The following GTF2A1L variants were observed in gnomAD, a reference collection of about 807,000 sequenced individuals.
GTF2A1L encodes general transcription factor IIA subunit 1 like.
A neutral mutation model predicts 49.7 loss-of-function variants in GTF2A1L; 48 were observed. That is an observed-to-expected ratio of 0.97 (90% CI 0.77 to 1.23). GTF2A1L has a LOEUF of 1.23. Among genes scored for constraint, GTF2A1L ranks in the 50% most tolerant of loss-of-function variants. The probability of loss-of-function intolerance (pLI) is 0.00; values close to 1 mark genes in which losing one functional copy is unlikely to be tolerated. For missense variants in GTF2A1L, 736 were observed against 564.8 expected (o/e 1.30, Z -3.07); for synonymous variants, 246 against 193.5 (o/e 1.27, Z -2.25).
chr2:48,675,525 G>T (rs147360213), intron 8 of GTF2A1L, among the ~76,000 whole-genome samples: 1 of 152,042 alleles, frequency 6.6e-6, no homozygotes, highest in Non-Finnish European at 1.5e-5. Flanking sequence ...CATACTGGGT[G>T]AGAATTAGTT....
intron 6 of GTF2A1L, among the ~76,000 whole-genome samples, chr2:48,662,716 T>C (rs1206172487): frequency 6.6e-6 from 1 of 151,770 alleles, no homozygotes; most frequent in East Asian, 1.9e-4. Context: ...GTCTTCAAAC[T>C]TCGGCTGAGG....
chr2:48,663,243 A>G (rs767799151), intron 6 of GTF2A1L, among the ~76,000 whole-genome samples: 16 of 152,020 alleles, frequency 1.1e-4, no homozygotes, highest in Non-Finnish European at 2.2e-4. Flanking sequence ...AGACCAGCCT[A>G]GGCAACATTG....
chr2:48,670,270 T>G (rs766929989), intron 7 of GTF2A1L, among the ~76,000 whole-genome samples: 1 of 152,008 alleles, frequency 6.6e-6, no homozygotes, highest in Non-Finnish European at 1.5e-5. Flanking sequence ...GGCACATGCC[T>G]GTAAACCCAG....
chr2:48,661,474 G>A (rs1332554991), intron 6 of GTF2A1L, among the ~76,000 whole-genome samples: 5 of 151,438 alleles, frequency 3.3e-5, no homozygotes, highest in Non-Finnish European at 7.4e-5. Context: ...GGCTGATCTC[G>A]AACTCCTGAC....
At chr2:48,629,163 C>T (rs1165327368) in intron 3 of GTF2A1L, among the ~76,000 whole-genome samples, 2 of 142,466 alleles carry the variant, frequency 1.4e-5, no homozygotes, top group Non-Finnish European at 3.2e-5. Flanking sequence ...ATTGCTTGAA[C>T]CTAGGAGGCA....
At chr2:48,632,037 C>A (rs971285342) in intron 3 of GTF2A1L, among the ~76,000 whole-genome samples, 16 of 152,040 alleles carry the variant, frequency 1.1e-4, no homozygotes, top group African/African-American at 3.9e-4. Flanking sequence ...TGTTATTAGT[C>A]TTTTTATTCT....
intron 3 of GTF2A1L, among the ~76,000 whole-genome samples, chr2:48,624,819 C>G (rs544296196): frequency 4.2e-5 from 6 of 142,288 alleles, no homozygotes; most frequent in Middle Eastern, 7.1e-3. Flanking sequence ...TTGTGTCTGG[C>G]TTATTTCACT....
At chr2:48,625,554 C>A (rs1490177712) in intron 3 of GTF2A1L, among the ~76,000 whole-genome samples, 5 of 143,082 alleles carry the variant, frequency 3.5e-5, no homozygotes, top group Admixed American at 1.4e-4. Context: ...TGTGCAGGAG[C>A]TTTTTAATTT....
At chr2:48,627,722 TC>T (rs1676361519) in intron 3 of GTF2A1L, among the ~76,000 whole-genome samples, 1 of 144,038 alleles carries the variant, frequency 6.9e-6, no homozygotes, top group African/African-American at 2.5e-5. Context: ...TGTTTTTTTT[TC>T]TTTTCAACTT....
intron 3 of GTF2A1L, among the ~76,000 whole-genome samples, chr2:48,623,313 A>G (rs1263328852): frequency 2.0e-5 from 3 of 152,246 alleles, no homozygotes; most frequent in Non-Finnish European, 2.9e-5. Context: ...CTACAATTCA[A>G]TAAGTCATTT....
chr2:48,646,654 C>A lies in GTF2A1L; in HGVS notation c.590C>A (p.Pro197His), dbSNP rs1323695175. The A allele has an allele frequency of 6.2e-7, 1 of 1,614,054 alleles. No individual in the cohort carries two copies. The highest frequency in any genetic ancestry group is 8.5e-7 in the Non-Finnish European group (1 of 1,179,994). Residue 197 changes from proline to histidine, a missense_variant, in exon 6 of 9, where the codon CCC (proline) becomes CAC (histidine). By Grantham distance (77) the Pro-to-His change is moderately conservative (BLOSUM62 -2). Transcript: ENST00000403751. ...SQRIETVLQQ[P>H]AILPSGPVDR... is the part of the protein sequence containing the mutation. Reference sequence around the variant, plus strand: ...AGAATTGAAACCGTGCTACAGCAACCCGCAATTCTACCTTCTGGGCCAGTA... The same window carrying A: ...AGAATTGAAACCGTGCTACAGCAACACGCAATTCTACCTTCTGGGCCAGTA...
At chr2:48,633,863 A>G (rs1676726666) in intron 3 of GTF2A1L, among the ~76,000 whole-genome samples, 1 of 150,196 alleles carries the variant, frequency 6.7e-6, no homozygotes, top group Non-Finnish European at 1.5e-5. Context: ...TTCTTGTGGA[A>G]TTGAATGCTT....
chr2:48,653,726 A>C (rs1246353783), intron 6 of GTF2A1L, among the ~76,000 whole-genome samples: 2 of 152,138 alleles, frequency 1.3e-5, no homozygotes, highest in Non-Finnish European at 2.9e-5. Flanking sequence ...TGAGGTCAGG[A>C]GTTCAAGACC....
chr2:48,633,573 T>C (rs1274462997), intron 3 of GTF2A1L, among the ~76,000 whole-genome samples: 2 of 152,202 alleles, frequency 1.3e-5, no homozygotes, highest in Admixed American at 6.5e-5. Flanking sequence ...CGGTCAATTG[T>C]GGAGTATGTT....
chr2:48,660,320 T>C, intron 6 of GTF2A1L, among the ~76,000 whole-genome samples: 1 of 152,156 alleles, frequency 6.6e-6, no homozygotes, highest in East Asian at 1.9e-4. Flanking sequence ...ATTTTGTTCT[T>C]CCATTTTTTG....
At chr2:48,656,197 A>G (rs2104248897) in intron 6 of GTF2A1L, among the ~76,000 whole-genome samples, 1 of 152,286 alleles carries the variant, frequency 6.6e-6, no homozygotes, top group South Asian at 2.1e-4. Context: ...ATATATATGG[A>G]GAAATGGAAC....
intron 8 of GTF2A1L, among the ~76,000 whole-genome samples, chr2:48,674,636 A>G (rs951787400): frequency 1.3e-5 from 2 of 152,134 alleles, no homozygotes; most frequent in Non-Finnish European, 2.9e-5. Flanking sequence ...ATAAAAAAAC[A>G]TTATAAGGTA....
intron 3 of GTF2A1L, among the ~76,000 whole-genome samples, chr2:48,637,378 T>G (rs1028475833): frequency 3.3e-5 from 5 of 152,186 alleles, no homozygotes; most frequent in Non-Finnish European, 5.9e-5. Context: ...GTTTGTGGAG[T>G]TGAATTCTTG....
chr2:48,644,903 T>TA (rs1224832301), intron 4 of GTF2A1L, 130 bp from the exon 5 acceptor site: 5 of 717,114 alleles, frequency 7.0e-6, no homozygotes, highest in Non-Finnish European at 1.1e-5. Flanking sequence ...AACTCAGCCC[T>TA]AATATTAAAT....
Sources: allele counts gnomAD v4.1 joint callset (sites outside exome capture counted in the v4.1 genomes callset), GRCh38; gene constraint gnomAD v4.1.1; transcripts MANE v1.5; gene names NCBI Gene and HGNC (gene_info 2026-07-23, HGNC 2026-07-21).